Variants in MYLK observed in about 807,000 individuals in gnomAD.
MYLK encodes myosin light chain kinase, smooth muscle.
Under a neutral mutation model 203.4 loss-of-function variants are expected in MYLK, and 106 were observed. The ratio of observed to expected loss-of-function variants is 0.52; its 90% CI spans 0.45 to 0.61. MYLK has a LOEUF of 0.61. Ranked by LOEUF, MYLK falls within the 20% of genes least tolerant of loss-of-function variation. The probability of loss-of-function intolerance (pLI) is 0.00; values close to 1 mark genes in which losing one functional copy is unlikely to be tolerated. For synonymous variants in MYLK, 867 were observed against 959.5 expected, an observed-to-expected ratio of 0.90 and a Z score of 1.78; for missense variants, 2,072 against 2,442.3, an observed-to-expected ratio of 0.85 and a Z score of 3.20.
intron 24 of MYLK, 75 bp from the exon 25 acceptor site, chr3:123,649,269 TGGGGGCCCTGCCA>T (rs2059128716): frequency 6.3e-7 from 1 of 1,595,398 alleles, no homozygotes; most frequent in Non-Finnish European, 8.6e-7. Flanking sequence ...CAAGATGTGC[TGGGGGCCCTGCCA>T]GGCCTCAGCC....
At chr3:123,848,987 T>G (rs941384119) in intron 2 of MYLK, among the ~76,000 whole-genome samples, 1 of 152,186 alleles carries the variant, frequency 6.6e-6, no homozygotes. Context: ...TTGGTAGGAA[T>G]TGAGGGCAGA....
At chr3:123,618,460 G>C (rs144493761) in intron 33 of MYLK, 179 bp downstream of exon 33, 3 of 700,058 alleles carry the variant, frequency 4.3e-6, no homozygotes, top group Non-Finnish European at 7.3e-6. Context: ...TCAGGAGGTG[G>C]GAGTGCAGGG....
rs200059795 is a variant in MYLK at position 123,732,980 on chromosome 3, G to A, written c.1432C>T (p.Arg478Trp). The change falls in exon 11 of 34, where the codon CGG (arginine) becomes TGG (tryptophan). Residue 478 changes from arginine (R) to tryptophan (W), a missense_variant. By Grantham distance (101) the Arg-to-Trp change is moderately radical. Transcript: ENST00000360304. ...CTGTATGTCCCACTGTCCCTGGTCC[G>A]GGCTTTCAGCAGGCAGAGGTAATGG... ...GSHYLCLLKARTRDSGTYSCT... is the reference protein window; with the variant it reads ...GSHYLCLLKAWTRDSGTYSCT... 7 of 1,614,162 alleles carry A rather than the reference G, an allele frequency of 4.3e-6. No homozygotes were observed. Among genetic ancestry groups the A allele is most frequent in the African/African-American group, 1.3e-5 (1 of 75,036 alleles).
At chr3:123,631,439 C>A (rs2058420649) in intron 29 of MYLK, among the ~76,000 whole-genome samples, 1 of 151,436 alleles carries the variant, frequency 6.6e-6, no homozygotes. Flanking sequence ...GGCCCTCCTG[C>A]CATCAACCTG....
intron 2 of MYLK, among the ~76,000 whole-genome samples, chr3:123,852,585 T>C (rs2148669718): frequency 6.6e-6 from 1 of 152,276 alleles, no homozygotes; most frequent in African/African-American, 2.4e-5. Context: ...ATCCCCTTTA[T>C]CATTTTTTAT....
At chr3:123,823,183 T>G (rs766513180) in intron 3 of MYLK, among the ~76,000 whole-genome samples, 1 of 152,222 alleles carries the variant, frequency 6.6e-6, no homozygotes, top group African/African-American at 2.4e-5. Flanking sequence ...TCCTACTTCC[T>G]TTTCCCCGTC....
intron 31 of MYLK, chr3:123,624,781 G>A (rs1342760757): frequency 6.6e-6 from 1 of 152,242 alleles, no homozygotes; most frequent in Non-Finnish European, 1.5e-5. Context: ...TTCCCATGAG[G>A]GGTGTAGCCA....
chr3:123,879,856 G>A (rs1188783345), intron 1 of MYLK, among the ~76,000 whole-genome samples: 6 of 152,156 alleles, frequency 3.9e-5, no homozygotes, highest in South Asian at 2.1e-4. Flanking sequence ...GGGTTTCACC[G>A]CGTTAGCCAG....
chr3:123,666,418 G>C, intron 21 of MYLK, 72 bp from the exon 22 acceptor site: 1 of 1,602,752 alleles, frequency 6.2e-7, no homozygotes, highest in Non-Finnish European at 8.5e-7. Context: ...CGACGCCATT[G>C]TCCACAGTGG....
chr3:123,702,246 T>G (rs1211373684), intron 16 of MYLK, among the ~76,000 whole-genome samples: 1 of 152,060 alleles, frequency 6.6e-6, no homozygotes, highest in Non-Finnish European at 1.5e-5. Flanking sequence ...TCCAACCCCA[T>G]AAGGCTGCCA....
At chr3:123,758,539 T>C (rs558356826) in intron 4 of MYLK, among the ~76,000 whole-genome samples, 2 of 152,310 alleles carry the variant, frequency 1.3e-5, no homozygotes, top group South Asian at 4.1e-4. Flanking sequence ...TCTCACTTCC[T>C]ATGGCATGCT....
chr3:123,664,022 G>T, intron 23 of MYLK, 83 bp downstream of exon 23: 1 of 1,583,492 alleles, frequency 6.3e-7, no homozygotes, highest in Non-Finnish European at 8.7e-7. Context: ...GGGTGATGAA[G>T]TCCTGAGGCC....
chr3:123,802,489 C>T (rs765344484), intron 3 of MYLK, among the ~76,000 whole-genome samples: 3 of 152,274 alleles, frequency 2.0e-5, no homozygotes, highest in Non-Finnish European at 4.4e-5. Context: ...CAGCAGACCA[C>T]GGGTGGGAGG....
At chr3:123,624,067 A>C (rs2058011576) in intron 31 of MYLK, 1 of 152,142 alleles carries the variant, frequency 6.6e-6, no homozygotes. Context: ...TAGGCTGGGC[A>C]CTCAACACTT....
chr3:123,616,818 C>T (rs1036018061), intron 33 of MYLK: 1 of 152,198 alleles, frequency 6.6e-6, no homozygotes, highest in East Asian at 1.9e-4. Context: ...TGATTAAAAG[C>T]ATCCTGAGGC....
At chr3:123,800,066 G>C (rs983311717) in intron 3 of MYLK, 1 of 152,192 alleles carries the variant, frequency 6.6e-6, no homozygotes, top group Non-Finnish European at 1.5e-5. Flanking sequence ...AACTTCACCC[G>C]GTCCGGGAGA....
chr3:123,819,212 T>C (rs1212069965), intron 3 of MYLK, among the ~76,000 whole-genome samples: 1 of 152,238 alleles, frequency 6.6e-6, no homozygotes, highest in Non-Finnish European at 1.5e-5. Context: ...TTCCCGACTA[T>C]CTTTTCAAGA....
chr3:123,882,173 C>A (rs1560314911), intron 1 of MYLK, among the ~76,000 whole-genome samples: 1 of 152,200 alleles, frequency 6.6e-6, no homozygotes, highest in Non-Finnish European at 1.5e-5. Flanking sequence ...TGTAACCCAG[C>A]ACTTTGGGAG....
intron 2 of MYLK, among the ~76,000 whole-genome samples, chr3:123,863,312 G>A (rs1446198837): frequency 6.9e-6 from 1 of 145,534 alleles, no homozygotes; most frequent in Non-Finnish European, 1.5e-5. Context: ...TGATTATCTT[G>A]GTAATTTTGG....
Sources: allele counts gnomAD v4.1 joint callset (sites outside exome capture counted in the v4.1 genomes callset), GRCh38; gene constraint gnomAD v4.1.1; transcripts MANE v1.5; gene names NCBI Gene and HGNC (gene_info 2026-07-23, HGNC 2026-07-21).